Variants in PLEKHG1 observed in about 807,000 individuals in gnomAD.
The protein encoded by PLEKHG1 is pleckstrin homology and RhoGEF domain containing G1.
In PLEKHG1, 44 loss-of-function variants were observed where a neutral mutation model predicts 100.8. The ratio of observed to expected loss-of-function variants is 0.44; its 90% confidence interval spans 0.34 to 0.56. PLEKHG1 has a LOEUF of 0.56. Among genes scored for constraint, PLEKHG1 ranks in the 20% least tolerant of loss-of-function variants. The pLI, the probability that PLEKHG1 is intolerant of heterozygous loss-of-function variation, is 0.01. For missense variants in PLEKHG1, 1,545 were observed against 1,720.9 expected (o/e 0.90, Z 1.81); for synonymous variants, 640 against 662.5 (o/e 0.97, Z 0.52).
chr6:150,716,146 C>T (rs1418485356), upstream of PLEKHG1, among the ~76,000 whole-genome samples: 2 of 151,608 alleles, frequency 1.3e-5, no homozygotes, highest in Non-Finnish European at 2.9e-5. Context: ...GACCGCATGC[C>T]TTGTTCTTTC....
At chr6:150,669,763 AT>A (rs1465217863) in intron 3 of PLEKHG1, among the ~76,000 whole-genome samples, 2 of 151,574 alleles carry the variant, frequency 1.3e-5, no homozygotes, top group Non-Finnish European at 2.9e-5. Flanking sequence ...CGCCCAGCTA[AT>A]TTTTTGTATT....
intron 15 of PLEKHG1, among the ~76,000 whole-genome samples, chr6:150,836,239 G>A (rs1276060773): frequency 2.6e-5 from 4 of 152,070 alleles, no homozygotes; most frequent in Non-Finnish European, 5.9e-5. Context: ...TTAGCCAAGC[G>A]TGGTGGCGGG....
intron 3 of PLEKHG1, among the ~76,000 whole-genome samples, chr6:150,655,333 G>A (rs1178614253): frequency 6.6e-6 from 1 of 152,120 alleles, no homozygotes; most frequent in African/African-American, 2.4e-5. Flanking sequence ...ACATGCACAC[G>A]TATATTTATT....
chr6:150,633,633 C>T (rs1019295633), intron 1 of PLEKHG1, among the ~76,000 whole-genome samples: 1 of 152,058 alleles, frequency 6.6e-6, no homozygotes, highest in East Asian at 1.9e-4. Context: ...AGAGGTGGTG[C>T]AGAGGGTAGA....
At chr6:150,822,164 A>G (rs1430215320) in intron 13 of PLEKHG1, among the ~76,000 whole-genome samples, 7 of 150,144 alleles carry the variant, frequency 4.7e-5, no homozygotes, top group Non-Finnish European at 1.0e-4. Flanking sequence ...AAAAAAAAAA[A>G]AAAAAAAAAA....
chr6:150,701,455 A>ATATATATG (rs1780779713), intron 3 of PLEKHG1, among the ~76,000 whole-genome samples: 1 of 84,702 alleles, frequency 1.2e-5, no homozygotes, highest in Non-Finnish European at 2.0e-5. Context: ...ATATATATAT[A>ATATATATG]TATATATATA....
chr6:150,685,297 CAG>C (rs1780080248), intron 3 of PLEKHG1, among the ~76,000 whole-genome samples: 1 of 152,084 alleles, frequency 6.6e-6, no homozygotes, highest in African/African-American at 2.4e-5. Context: ...GTGACAGGAA[CAG>C]AGATTTTGAA....
At chr6:150,678,063 C>CATATATATATATAT (rs201616866) in intron 3 of PLEKHG1, among the ~76,000 whole-genome samples, 9 of 60,120 alleles carry the variant, frequency 1.5e-4, no homozygotes, top group African/African-American at 2.4e-4. Context: ...TGTTTTGATG[C>CATATATATATATAT]ATATATATAT....
At chr6:150,610,688 C>T (rs1776790962) in intron 1 of PLEKHG1, among the ~76,000 whole-genome samples, 1 of 152,090 alleles carries the variant, frequency 6.6e-6, no homozygotes, top group Non-Finnish European at 1.5e-5. Context: ...TCCAACAGAG[C>T]CCTGGGTTAA....
intron 4 of PLEKHG1, among the ~76,000 whole-genome samples, chr6:150,794,069 G>A (rs1315854925): frequency 6.6e-6 from 1 of 152,134 alleles, no homozygotes; most frequent in African/African-American, 2.4e-5. Context: ...GCAACAGAGC[G>A]AGAATCCATC....
At chr6:150,703,603 A>G (rs1226537812) in intron 3 of PLEKHG1, among the ~76,000 whole-genome samples, 2 of 148,768 alleles carry the variant, frequency 1.3e-5, no homozygotes, top group Non-Finnish European at 3.0e-5. Flanking sequence ...TCCATCTTAA[A>G]AAAAAAAAAA....
At chr6:150,768,116 G>GCATA (rs1784533296) in intron 2 of PLEKHG1, among the ~76,000 whole-genome samples, 1 of 152,104 alleles carries the variant, frequency 6.6e-6, no homozygotes, top group Non-Finnish European at 1.5e-5. Context: ...AATTAACACA[G>GCATA]CATAGTAAGT....
chr6:150,758,654 A>G (rs1054574559), intron 2 of PLEKHG1, among the ~76,000 whole-genome samples: 1 of 152,116 alleles, frequency 6.6e-6, no homozygotes, highest in Non-Finnish European at 1.5e-5. Context: ...CTTTTTAACA[A>G]TCGTCATTCT....
chr6:150,761,099 CTTT>C (rs35068801), intron 2 of PLEKHG1, among the ~76,000 whole-genome samples: 12,500 of 95,434 alleles, frequency 0.13, 180 homozygotes, highest in South Asian at 0.16. Context: ...TTCTTTTTTT[CTTT>C]TTTTTTTTTT....
intron 3 of PLEKHG1, among the ~76,000 whole-genome samples, chr6:150,688,398 G>A (rs575406104): frequency 2.6e-3 from 400 of 151,950 alleles, no homozygotes; most frequent in Non-Finnish European, 4.9e-3. Context: ...TTGGCTCACC[G>A]CAACCTCCGC....
rs767762657 is a variant in PLEKHG1, at chr6:150,733,614, C to T, written c.-68C>T. 3.7e-6 allele frequency: 6 copies of T among 1,613,282 alleles called. No individual in the cohort carries two copies. The Admixed American group carries it at 8.3e-5, about 22-fold the overall frequency. On this transcript the variant is annotated 5_prime_UTR_variant, in exon 2 of 16. An upstream open reading frame in the 5' UTR gains an earlier in-frame stop. Transcript: ENST00000358517. ...CACCAGTTGCGTCTTGAAGTGCCAT[C>T]AGCTGTAACCAAAGTTCCACATCCC...
intron 2 of PLEKHG1, among the ~76,000 whole-genome samples, chr6:150,741,245 TG>T (rs146779885): frequency 0.011 from 1,642 of 152,244 alleles, 28 homozygotes; most frequent in African/African-American, 0.036. Context: ...CAAAATGAGT[TG>T]AGATTTGCAG....
chr6:150,789,968 A>C (rs1785871744), intron 4 of PLEKHG1, among the ~76,000 whole-genome samples: 1 of 152,176 alleles, frequency 6.6e-6, no homozygotes, highest in South Asian at 2.1e-4. Flanking sequence ...GTGAAACTGC[A>C]GGCCCAGGGC....
At chr6:150,768,398 A>G (rs1168563671) in intron 2 of PLEKHG1, among the ~76,000 whole-genome samples, 8 of 152,200 alleles carry the variant, frequency 5.3e-5, no homozygotes, top group Admixed American at 2.0e-4. Context: ...GGGAAGCTCT[A>G]ATATATTTAG....
Sources: allele counts gnomAD v4.1 joint callset (sites outside exome capture counted in the v4.1 genomes callset), GRCh38; gene constraint gnomAD v4.1.1; transcripts MANE v1.5; gene names NCBI Gene and HGNC (gene_info 2026-07-23, HGNC 2026-07-21).